Variants in MAP4 observed in about 807,000 individuals in gnomAD.
The protein encoded by MAP4 is microtubule-associated protein 4.
A neutral mutation model predicts 170.2 loss-of-function variants in MAP4; 76 were observed. That is an observed-to-expected ratio of 0.45 (90% CI 0.37 to 0.54). The LOEUF (loss-of-function observed/expected upper bound fraction) is 0.54. MAP4 is among the 20% of genes least tolerant of loss of function. The pLI is 0.00. For synonymous variants in MAP4, 909 were observed against 994.5 expected (o/e 0.91, Z 1.62); for missense variants, 2,506 against 2,748.0 (o/e 0.91, Z 1.97).
intron 4 of MAP4, among the ~76,000 whole-genome samples, chr3:47,922,820 C>A (rs940915474): frequency 6.6e-6 from 1 of 152,110 alleles, no homozygotes; most frequent in African/African-American, 2.4e-5. Context: ...GAGGCCAAGG[C>A]GGGCGGATCA....
intron 3 of MAP4, among the ~76,000 whole-genome samples, chr3:47,970,874 A>T (rs922665650): frequency 6.6e-6 from 1 of 152,228 alleles, no homozygotes; most frequent in Non-Finnish European, 1.5e-5. Context: ...AAGCTCAAGA[A>T]GAAGCTATTT....
At chr3:47,870,130 C>T (rs934264105) in intron 15 of MAP4, among the ~76,000 whole-genome samples, 7 of 152,126 alleles carry the variant, frequency 4.6e-5, no homozygotes, top group African/African-American at 9.7e-5. Context: ...TCCAGGGACC[C>T]GAACATTCTC....
chr3:47,892,335 G>A, intron 10 of MAP4: 1 of 1,536,194 alleles, frequency 6.5e-7, no homozygotes, highest in Non-Finnish European at 8.7e-7. Context: ...CTGACATTCA[G>A]CCCAATTTCA....
intron 1 of MAP4, among the ~76,000 whole-genome samples, chr3:48,068,771 G>A (rs1435110794): frequency 6.6e-6 from 1 of 152,146 alleles, no homozygotes; most frequent in African/African-American, 2.4e-5. Context: ...GCAACAGAGC[G>A]TCCGTCTCAA....
intron 1 of MAP4, among the ~76,000 whole-genome samples, chr3:48,030,160 G>T (rs1195845947): frequency 6.6e-6 from 1 of 150,664 alleles, no homozygotes; most frequent in Non-Finnish European, 1.5e-5. Flanking sequence ...AGGCTGAGGT[G>T]GGAGGATCAT....
In MAP4 at chr3:47,909,553, G is replaced by A. The variant is rs2100034882; in HGVS notation, c.4868C>T (p.Pro1623Leu). 5.6e-6 allele frequency: 9 copies of A among 1,612,490 alleles called. No homozygotes were observed. Among genetic ancestry groups the A allele is most frequent in the Non-Finnish European group, 6.8e-6 (8 of 1,179,898 alleles). Residue 1623 changes from proline (P) to leucine (L), a missense_variant, in exon 9 of 21, where the codon CCT becomes CTT. By Grantham distance (98) the Pro-to-Leu change is moderately conservative. Around this residue, in one of 3 missense-constraint regions of MAP4, gnomAD observed 2,008 missense variants for 2,206.0 expected, o/e 0.91. Transcript: ENST00000683076. ...TKEGSVAVQI[P>L]DLLEDKAQKL... is the part of the protein sequence containing the mutation. ...TTGTGCTTTGTCTTCCAGTAAGTCA[G>A]GAATCTGAACTGCAACAGACCCTTC...
intron 1 of MAP4, among the ~76,000 whole-genome samples, chr3:48,087,305 T>C (rs893428046): frequency 6.6e-6 from 1 of 152,192 alleles, no homozygotes; most frequent in African/African-American, 2.4e-5. Flanking sequence ...GCTTAGCAAC[T>C]TTAATGTTGT....
chr3:48,066,857 T>G, intron 1 of MAP4, among the ~76,000 whole-genome samples: 1 of 75,232 alleles, frequency 1.3e-5, no homozygotes, highest in East Asian at 4.9e-4. Context: ...TTTTTTTTTT[T>G]TGAGACGGAG....
chr3:47,904,704 C>T (rs1016317405), intron 9 of MAP4, among the ~76,000 whole-genome samples: 6 of 151,548 alleles, frequency 4.0e-5, no homozygotes, highest in Admixed American at 2.6e-4. Flanking sequence ...CTCACTCTAT[C>T]GCCCAGGCTG....
At chr3:48,043,290 G>A (rs1042482838) in intron 1 of MAP4, among the ~76,000 whole-genome samples, 45 of 152,012 alleles carry the variant, frequency 3.0e-4, no homozygotes, top group Non-Finnish European at 7.4e-5. Flanking sequence ...TAGTAGAGAC[G>A]GGGTTTTGCC....
intron 1 of MAP4, among the ~76,000 whole-genome samples, chr3:48,074,723 T>TGTGTGTGTGTGTGTGTGA (rs1559906380): frequency 1.6e-4 from 24 of 149,292 alleles, no homozygotes; most frequent in African/African-American, 4.9e-4. Context: ...TGTGTGTGTG[T>TGTGTGTGTGTGTGTGTGA]GTGATATGTC....
At position 47,912,433 on chromosome 3, in the gene MAP4, A is replaced by C; in HGVS notation, c.2000-12T>G. 1 of 1,458,808 alleles carries C rather than the reference A, an allele frequency of 6.9e-7. No homozygotes were observed. The highest frequency in any genetic ancestry group is 9.0e-7 in the Non-Finnish European group (1 of 1,109,280). The allele number at this position is 1,458,808 out of a possible 1,614,324, so 90.4% of individuals were successfully genotyped here. On this transcript the variant is annotated splice_polypyrimidine_tract_variant and intron_variant, in intron 8 of 20. Coordinates refer to ENST00000683076, the MANE Select transcript of MAP4 (RefSeq NM_001385682.1). ...ATACATGAAGTTGGCTAAAATTCCA[A>C]ACAAAAAACTCCTCGTTATTGTTTC...
chr3:47,884,142 T>C (rs1043113950), intron 10 of MAP4, among the ~76,000 whole-genome samples: 1 of 152,200 alleles, frequency 6.6e-6, no homozygotes, highest in African/African-American at 2.4e-5. Flanking sequence ...CTTTTGTTAT[T>C]GTCCCATGGG....
chr3:48,056,129 C>T, intron 1 of MAP4, among the ~76,000 whole-genome samples: 1 of 147,300 alleles, frequency 6.8e-6, no homozygotes, highest in South Asian at 2.2e-4. Context: ...GGGTCAGCCC[C>T]CCGCCCGGCC....
At chr3:48,029,946 C>A (rs942479543) in intron 1 of MAP4, among the ~76,000 whole-genome samples, 1 of 149,050 alleles carries the variant, frequency 6.7e-6, no homozygotes, top group Non-Finnish European at 1.5e-5. Flanking sequence ...TGCAGTGAGC[C>A]GAGATCCCTA....
At chr3:47,949,194 G>A (rs59963547) in intron 3 of MAP4, among the ~76,000 whole-genome samples, 1,740 of 152,082 alleles carry the variant, frequency 0.011, 36 homozygotes, top group African/African-American at 0.039. Context: ...AGCTGGGCAC[G>A]GTGGCTCACG....
At chr3:48,020,522 A>G (rs765655176), upstream of MAP4, among the ~76,000 whole-genome samples, 2 of 152,192 alleles carry the variant, frequency 1.3e-5, no homozygotes, top group Non-Finnish European at 2.9e-5. Flanking sequence ...AGTACTTAAC[A>G]AGCATTTTGT....
chr3:47,999,137 T>C (rs754652825), intron 1 of MAP4, among the ~76,000 whole-genome samples: 3 of 152,048 alleles, frequency 2.0e-5, no homozygotes, highest in Non-Finnish European at 4.4e-5. Flanking sequence ...GACAAAGCAA[T>C]TGCAATTGTG....
At chr3:48,066,863 C>CG (rs1294562548) in intron 1 of MAP4, among the ~76,000 whole-genome samples, 1 of 101,778 alleles carries the variant, frequency 9.8e-6, no homozygotes, top group Non-Finnish European at 1.8e-5. Flanking sequence ...TTTTTTGAGA[C>CG]GGAGTCTCGC....
Sources: gnomAD v4.1 joint callset for allele counts (sites outside exome capture counted in the v4.1 genomes callset) on GRCh38, gnomAD v4.1.1 for gene constraint, gnomAD v4.1.1 regional missense constraint, MANE v1.5 for transcripts, NCBI Gene and HGNC (gene_info 2026-07-23, HGNC 2026-07-21) for gene names.